Variants in PDGFA observed in about 807,000 individuals in gnomAD.
PDGFA encodes platelet derived growth factor subunit A.
PDGFA carries 9 observed loss-of-function variants against 25.6 expected under a neutral mutation model. The observed-to-expected ratio is 0.35, with a 90% CI of 0.21 to 0.61. PDGFA has a LOEUF of 0.61. Among genes scored for constraint, PDGFA ranks in the 20% least tolerant of loss-of-function variants. PDGFA has a pLI of 0.75. For synonymous variants in PDGFA, 133 were observed against 111.8 expected (o/e 1.19, Z -1.20); for missense variants, 242 against 272.8 (o/e 0.89, Z 0.79).
rs769568614 is a variant in PDGFA, at chr7:500,954, C to A, written c.580+162G>T. ...ACCTGCAGGTGTGGGATCCGTCTCC[C>A]CCGCAGGCATCTGGCCCGGGAGCAG... On this transcript the variant is annotated intron_variant, in intron 5 of 5. Transcript: ENST00000402802. This position sits in a 1 kb window ranked among gnomAD's most constrained non-coding sequence, Gnocchi z 5.0. The A allele has an allele frequency of 7.5e-6, 12 of 1,595,496 alleles. 1 individual carries two copies. The Admixed American group carries it at 1.5e-4, about 20-fold the overall frequency.
At chr7:514,795 G>A (rs957242819) in intron 2 of PDGFA, among the ~76,000 whole-genome samples, 1 of 152,210 alleles carries the variant, frequency 6.6e-6, no homozygotes, top group African/African-American at 2.4e-5. Flanking sequence ...GGCCCTAAAC[G>A]CGGGCTGCCG....
At chr7:512,636 G>A in intron 2 of PDGFA, 181 bp from the exon 3 acceptor site, 1 of 1,527,702 alleles carries the variant, frequency 6.5e-7, no homozygotes, top group South Asian at 1.2e-5. Flanking sequence ...TCCCACCAGG[G>A]CTTTCCAGAG....
chr7:497,538 C>A (rs1356550878), exon 6 of PDGFA: 1 of 152,210 alleles, frequency 6.6e-6, no homozygotes, highest in African/African-American at 2.4e-5. Flanking sequence ...ATGCATCTCA[C>A]GTGCCGCGTG....
chr7:516,041 C>G (rs1397673311), intron 2 of PDGFA, among the ~76,000 whole-genome samples: 1 of 17,288 alleles, frequency 5.8e-5, no homozygotes, highest in African/African-American at 1.3e-4. Flanking sequence ...CAGGAAGCAG[C>G]CCCCCCCCCC....
At chr7:499,728 C>CCCCCA in intron 5 of PDGFA, among the ~76,000 whole-genome samples, 3 of 86,024 alleles carry the variant, frequency 3.5e-5, no homozygotes, top group Admixed American at 9.4e-5. Context: ...CTTCCCCCCC[C>CCCCCA]CCCCCGCTCA....
At chr7:508,807 A>G (rs913594229) in intron 4 of PDGFA, among the ~76,000 whole-genome samples, 22 of 151,996 alleles carry the variant, frequency 1.4e-4, no homozygotes, top group African/African-American at 4.8e-4. Flanking sequence ...TGCCAGCCCC[A>G]GCCAGGCCTC....
intron 2 of PDGFA, among the ~76,000 whole-genome samples, chr7:514,596 C>T (rs1195735951): frequency 6.6e-6 from 1 of 152,224 alleles, no homozygotes; most frequent in Non-Finnish European, 1.5e-5. Context: ...TCCCTTTTGT[C>T]TTTTAGGCAC....
At chr7:505,519 G>C (rs1251727297) in intron 4 of PDGFA, among the ~76,000 whole-genome samples, 1 of 152,178 alleles carries the variant, frequency 6.6e-6, no homozygotes, top group African/African-American at 2.4e-5. Flanking sequence ...CACTCCCTGC[G>C]GGGGACCCCA....
chr7:501,165 G>A (rs767457148), exon 5 of PDGFA: 55 of 1,614,078 alleles, frequency 3.4e-5, no homozygotes, highest in Non-Finnish European at 4.1e-5. Flanking sequence ...TCGCGCAGGC[G>A]CACTCCAAAT....
intron 5 of PDGFA, 79 bp downstream of exon 5, chr7:501,037 G>A (rs760325327): frequency 6.2e-7 from 1 of 1,612,142 alleles, no homozygotes; most frequent in African/African-American, 1.3e-5. Context: ...TTGCGCTCAA[G>A]GGGGCCACCT....
chr7:498,331 T>A, exon 6 of PDGFA: 1 of 550,462 alleles, frequency 1.8e-6, no homozygotes, highest in East Asian at 2.9e-5. Context: ...TTTCTCTCTC[T>A]CTCTTTTTGA....
At chr7:508,204 G>C (rs996224858) in intron 4 of PDGFA, among the ~76,000 whole-genome samples, 1 of 152,110 alleles carries the variant, frequency 6.6e-6, no homozygotes, top group African/African-American at 2.4e-5. Flanking sequence ...CACAACAGTG[G>C]GGGGCGGGGG....
chr7:503,790 T>A (rs1251999468), intron 4 of PDGFA, among the ~76,000 whole-genome samples: 1 of 152,144 alleles, frequency 6.6e-6, no homozygotes, highest in African/African-American at 2.4e-5. Flanking sequence ...CAGCCAAGTA[T>A]GAGCTCAACA....
In PDGFA at chr7:500,851, C is replaced by A; in HGVS notation, c.580+265G>T. ...CCACTAATGAATTGGGTGTCTTATG[C>A]ACTCCCAGCCCCTCTCAGTGAGACC... On this transcript the variant is annotated intron_variant, in intron 5 of 5. Coordinates refer to ENST00000402802, the Ensembl canonical transcript of PDGFA. The surrounding 1 kb of genome is among the most constrained non-coding windows in gnomAD (Gnocchi z 5.0). 1 of 1,519,844 alleles carries A rather than the reference C, an allele frequency of 6.6e-7. No individual in the cohort carries two copies. Among genetic ancestry groups the A allele is most frequent in the East Asian group, 2.5e-5 (1 of 40,478 alleles). 94.1% of individuals were successfully genotyped at this position (1,519,844 alleles called of 1,614,324 possible).
intron 4 of PDGFA, among the ~76,000 whole-genome samples, chr7:507,385 G>C (rs1391296592): frequency 6.6e-6 from 1 of 152,180 alleles, no homozygotes; most frequent in East Asian, 1.9e-4. Flanking sequence ...CCACTGCACA[G>C]AGCAAAGCAG....
chr7:516,046 C>CT (rs769528171), intron 2 of PDGFA, among the ~76,000 whole-genome samples: 2 of 66,888 alleles, frequency 3.0e-5, no homozygotes, highest in Non-Finnish European at 6.5e-5. Context: ...AGCAGCCCCC[C>CT]CCCCCCACTT....
chr7:505,979 G>A (rs1337795086), intron 4 of PDGFA, among the ~76,000 whole-genome samples: 5 of 152,114 alleles, frequency 3.3e-5, no homozygotes, highest in Admixed American at 6.5e-5. Flanking sequence ...TTCAAGACCA[G>A]CCTGACCAAT....
chr7:512,655 C>T, intron 2 of PDGFA, 200 bp from the exon 3 acceptor site: 1 of 1,512,164 alleles, frequency 6.6e-7, no homozygotes, highest in South Asian at 1.2e-5. Flanking sequence ...AGATGCAGGG[C>T]ATGAAACACT....
At chr7:499,096 A>G (rs1301502933) in intron 5 of PDGFA, among the ~76,000 whole-genome samples, 1 of 152,228 alleles carries the variant, frequency 6.6e-6, no homozygotes, top group African/African-American at 2.4e-5. Flanking sequence ...TAGGCTGAAC[A>G]TGAGTACCAG....
Sources: gnomAD v4.1 joint callset for allele counts (sites outside exome capture counted in the v4.1 genomes callset) on GRCh38, gnomAD v4.1.1 for gene constraint, Gnocchi (gnomAD v3.1) non-coding constraint, MANE v1.5 for transcripts, NCBI Gene and HGNC (gene_info 2026-07-23, HGNC 2026-07-21) for gene names.